Variants in CDR2 observed in about 807,000 individuals in gnomAD.
The protein encoded by CDR2 is cerebellar degeneration related protein 2, also known as cerebellar degeneration-related protein 2.
In CDR2, 34 loss-of-function variants were observed where a neutral mutation model predicts 48.4. The observed-to-expected ratio is 0.70, with a 90% CI of 0.53 to 0.94. The LOEUF (loss-of-function observed/expected upper bound fraction) is 0.94, where lower values mean the gene tolerates loss of function less well. CDR2 is among the 40% of genes least tolerant of loss of function. CDR2 has a pLI of 0.00. For synonymous variants in CDR2, 240 were observed against 219.7 expected (o/e 1.09, Z -0.82); for missense variants, 498 against 549.5 (o/e 0.91, Z 0.94).
At position 22,364,996 on chromosome 16, in the gene CDR2, T is replaced by C; in HGVS notation, c.98A>G (p.Glu33Gly). The change falls in exon 2 of 5, where the codon GAG becomes GGG. Residue 33 changes from glutamate (E) to glycine (G), a missense_variant. Transcript: ENST00000268383. ...CCGATCCAGTAATGTCTTCCCAAGC[T>C]CAGCAGCAAGTTGAAGATCTAGCAC... ...DLQQDLQLAA[E>G]LGKTLLDRNT... 6.2e-7 allele frequency: 1 copy of C among 1,611,878 alleles called. No homozygotes were observed. Among genetic ancestry groups the C allele is most frequent in the East Asian group, 2.2e-5 (1 of 44,856 alleles).
chr16:22,372,334 C>T (rs1178500105), intron 1 of CDR2, among the ~76,000 whole-genome samples: 3 of 152,086 alleles, frequency 2.0e-5, no homozygotes, highest in African/African-American at 4.8e-5. Context: ...GAGAATGCAG[C>T]GTGGACTAAG....
At chr16:22,365,571 T>C (rs913895838) in intron 1 of CDR2, among the ~76,000 whole-genome samples, 4 of 152,224 alleles carry the variant, frequency 2.6e-5, no homozygotes, top group African/African-American at 9.6e-5. Flanking sequence ...TTCTGTAAGA[T>C]GAGCAACTAG....
chr16:22,364,480 G>A (rs1432948962), intron 2 of CDR2, among the ~76,000 whole-genome samples: 1 of 152,106 alleles, frequency 6.6e-6, no homozygotes, highest in Non-Finnish European at 1.5e-5. Flanking sequence ...AAGTTCAAGA[G>A]TGTGGGCAGT....
intron 2 of CDR2, among the ~76,000 whole-genome samples, chr16:22,361,082 A>G (rs1244568024): frequency 1.3e-5 from 2 of 152,170 alleles, no homozygotes; most frequent in Non-Finnish European, 2.9e-5. Context: ...CCCAATAAAC[A>G]TTCTAAACAG....
chr16:22,371,270 TGAG>T (rs2049074092), intron 1 of CDR2, among the ~76,000 whole-genome samples: 1 of 151,888 alleles, frequency 6.6e-6, no homozygotes, highest in African/African-American at 2.4e-5. Flanking sequence ...GTAATAATAA[TGAG>T]GATGTTAAAA....
In CDR2 at chr16:22,374,257, C is replaced by T. The variant is rs1349986213; in HGVS notation, c.53G>A (p.Trp18Ter). 2.5e-6 allele frequency: 4 copies of T among 1,603,918 alleles called. No individual in the cohort carries two copies. The highest frequency in any genetic ancestry group is 3.4e-6 in the Non-Finnish European group (4 of 1,175,826). The change falls in exon 1 of 5, where the codon TGG becomes TAG. Residue 18 changes from tryptophan (W) to a stop codon, truncating the protein, a stop_gained. Coordinates refer to ENST00000268383, the MANE Select transcript of CDR2 (RefSeq NM_001802.2). LOFTEE classifies it high-confidence loss of function. ...EEFEMKEDEPWYDHQDLQQDL... is the reference protein window; with the variant it reads ...EEFEMKEDEP ...TTGCTGGAGGTCCTGGTGGTCGTAC[C>T]ACGGCTCGTCCTCCTTCATCTCAAA...
intron 1 of CDR2, among the ~76,000 whole-genome samples, chr16:22,371,786 GTGATAACGTAACAGCCCTT>G (rs1182156019): frequency 6.6e-6 from 1 of 152,114 alleles, no homozygotes; most frequent in Non-Finnish European, 1.5e-5. Context: ...AAAGTCCACT[GTGATAACGTAACAGCCCTT>G]TGAAAAACAC....
Position 22,374,560 on chromosome 16 carries a change from G to A in CDR2, c.-251C>T. ...ATTACGGTGCGAACGCCTGGAGCCG[G>A]AGTCTCACGCAGCCGCCAGTCTTCA... On this transcript the variant is annotated 5_prime_UTR_variant, in exon 1 of 5. Transcript: ENST00000268383. 5.2e-6 allele frequency: 1 copy of A among 190,898 alleles called. No individual in the cohort carries two copies. Among genetic ancestry groups the A allele is most frequent in the Non-Finnish European group, 1.1e-5 (1 of 94,216 alleles). 11.8% of individuals were successfully genotyped at this position (190,898 alleles called of 1,614,324 possible). A position where few individuals can be genotyped will look rare whatever the true frequency, so the allele number is the denominator to read the frequency against.
chr16:22,349,603 T>A, intron 3 of CDR2, 98 bp downstream of exon 3: 2 of 1,423,910 alleles, frequency 1.4e-6, no homozygotes, highest in Non-Finnish European at 1.9e-6. Flanking sequence ...TTAAACCTTA[T>A]CCCATATTGA....
chr16:22,353,719 T>C (rs2048957146), intron 2 of CDR2, among the ~76,000 whole-genome samples: 1 of 152,106 alleles, frequency 6.6e-6, no homozygotes, highest in Admixed American at 6.5e-5. Flanking sequence ...TTGTCACTTC[T>C]CTAAAAAATT....
rs2049042686 is a variant in CDR2, at chr16:22,365,987, T to C, written c.80-973A>G. ...TAGAGAGATGACTGTCTTATCAATATAAGATTGTGAAAATCAAATGAAATA... is the reference window on the plus strand; with the variant it reads ...TAGAGAGATGACTGTCTTATCAATACAAGATTGTGAAAATCAAATGAAATA... On this transcript the variant is annotated intron_variant, in intron 1 of 4. Transcript: ENST00000268383. Among the ~76,000 whole-genome samples the C allele has an allele frequency of 1.3e-5, 2 of 152,172 alleles. 1 individual carries two copies. The highest frequency in any genetic ancestry group is 4.1e-4 in the South Asian group (2 of 4,828).
At chr16:22,365,251 G>C in intron 1 of CDR2, 1 of 393,864 alleles carries the variant, frequency 2.5e-6, no homozygotes, top group East Asian at 4.4e-5. Flanking sequence ...CTACTTTATG[G>C]AGATGCAGTT....
chr16:22,365,099 T>G, intron 1 of CDR2, 85 bp from the exon 2 acceptor site: 1 of 890,136 alleles, frequency 1.1e-6, no homozygotes, highest in South Asian at 1.4e-5. Context: ...AAAGAACATG[T>G]AGTTTAAGTC....
intron 2 of CDR2, among the ~76,000 whole-genome samples, chr16:22,350,068 A>G (rs544667010): frequency 6.6e-6 from 1 of 152,250 alleles, no homozygotes; most frequent in Non-Finnish European, 1.5e-5. Flanking sequence ...ACACGCCTGT[A>G]ATCCCAGCTA....
intron 2 of CDR2, among the ~76,000 whole-genome samples, chr16:22,358,167 T>TG (rs576856698): frequency 5.9e-5 from 9 of 152,044 alleles, no homozygotes; most frequent in Non-Finnish European, 1.2e-4. Flanking sequence ...TAGAAGGAAA[T>TG]GGGTTAGCTT....
chr16:22,373,998 C>T (rs1378484227), intron 1 of CDR2, among the ~76,000 whole-genome samples: 4 of 152,232 alleles, frequency 2.6e-5, no homozygotes, highest in African/African-American at 4.8e-5. Flanking sequence ...GTCCCTGGCC[C>T]CCACGCGCCT....
At position 22,349,843 on chromosome 16, in the gene CDR2, T is replaced by C. The variant is rs757940497; in HGVS notation, c.199A>G (p.Thr67Ala). 2.1e-5 allele frequency: 34 copies of C among 1,613,966 alleles called. No homozygotes were observed. In the Admixed American group the frequency reaches 2.7e-4, roughly 13 times the overall value. ...QEQLQEIEYL[T>A]KQVELLRQMN... ...TGCCGTAGAAGTTCCACTTGCTTCG[T>C]CAGATACTGTAAGAGAAGATCAGGA... The change falls in exon 3 of 5, where the codon ACG becomes GCG. Residue 67 changes from threonine to alanine, a missense_variant. By Grantham distance (58) the Thr-to-Ala change is moderately conservative. Transcript: ENST00000268383.
At chr16:22,349,170 T>C (rs2048925308) in intron 4 of CDR2, 109 bp downstream of exon 4, 1 of 1,149,548 alleles carries the variant, frequency 8.7e-7, no homozygotes, top group Non-Finnish European at 1.3e-6. Context: ...GGTAGCTTAA[T>C]AGCTAAGTGA....
At chr16:22,353,164 T>A (rs1309160663) in intron 2 of CDR2, among the ~76,000 whole-genome samples, 1 of 152,148 alleles carries the variant, frequency 6.6e-6, no homozygotes, top group African/African-American at 2.4e-5. Flanking sequence ...AGACATTAAT[T>A]TATTAATATA....
Sources: gnomAD v4.1 joint callset for allele counts (sites outside exome capture counted in the v4.1 genomes callset) on GRCh38, gnomAD v4.1.1 for gene constraint, MANE v1.5 for transcripts, NCBI Gene and HGNC (gene_info 2026-07-23, HGNC 2026-07-21) for gene names.